Variants in PALS1 observed in about 807,000 individuals in gnomAD.
PALS1 encodes the protein protein associated with LIN7 1, MAGUK p55 family member.
Under a neutral mutation model 78.9 loss-of-function variants are expected in PALS1, and 31 were observed. The observed-to-expected ratio is 0.39, with a 90% CI of 0.30 to 0.53. The LOEUF (loss-of-function observed/expected upper bound fraction) is 0.53. Ranked by LOEUF, PALS1 falls within the 20% of genes least tolerant of loss-of-function variation. The pLI is 0.67. For synonymous variants in PALS1, 276 were observed against 270.9 expected (o/e 1.02, Z -0.18); for missense variants, 704 against 826.5 (o/e 0.85, Z 1.82).
chr14:67,297,354 T>C (rs1027364916), intron 4 of PALS1, among the ~76,000 whole-genome samples: 4 of 152,192 alleles, frequency 2.6e-5, no homozygotes, highest in Admixed American at 2.6e-4. Context: ...TTAAACTGCA[T>C]GTAAGAGGTA....
chr14:67,290,021 C>G (rs2140799572), intron 3 of PALS1, among the ~76,000 whole-genome samples: 1 of 152,222 alleles, frequency 6.6e-6, no homozygotes, highest in East Asian at 1.9e-4. Flanking sequence ...ATCCACCCGC[C>G]TTGGTCTCCC....
At chr14:67,256,696 T>C (rs532896334) in intron 1 of PALS1, among the ~76,000 whole-genome samples, 71 of 152,112 alleles carry the variant, frequency 4.7e-4, no homozygotes, top group African/African-American at 1.5e-3. Context: ...TACAGGCATG[T>C]GCCACCACAC....
intron 13 of PALS1, among the ~76,000 whole-genome samples, chr14:67,322,844 G>C (rs766285475): frequency 6.6e-6 from 1 of 152,128 alleles, no homozygotes; most frequent in African/African-American, 2.4e-5. Flanking sequence ...TTGATAGAGC[G>C]TGTCAGTTTG....
At chr14:67,319,706 C>T (rs1320611557) in intron 11 of PALS1, among the ~76,000 whole-genome samples, 1 of 152,090 alleles carries the variant, frequency 6.6e-6, no homozygotes, top group Non-Finnish European at 1.5e-5. Flanking sequence ...TCCTGGGCTG[C>T]ATGCAGCTCA....
rs763820637 is a variant in PALS1, at chr14:67,279,258, C to G, written c.88C>G (p.Gln30Glu). The change falls in exon 3 of 15, where the codon CAG becomes GAG. Residue 30 changes from glutamine to glutamate, a missense_variant. Transcript: ENST00000261681. ...NVDLASPEEH[Q>E]KHREMAVDCP... ...TGATCTTGCATCACCAGAGGAACAT[C>G]AGAAGCACCGAGAGATGGCTGTTGA... The G allele has an allele frequency of 1.2e-6, 2 of 1,613,866 alleles. No individual in the cohort carries two copies. Among genetic ancestry groups the G allele is most frequent in the Admixed American group, 1.7e-5 (1 of 59,962 alleles).
intron 2 of PALS1, among the ~76,000 whole-genome samples, chr14:67,273,480 C>G (rs1010592946): frequency 6.6e-6 from 1 of 152,130 alleles, no homozygotes; most frequent in Non-Finnish European, 1.5e-5. Flanking sequence ...GCATAGTATT[C>G]CATGGTGTAT....
intron 1 of PALS1, among the ~76,000 whole-genome samples, chr14:67,244,106 A>AT (rs1209001661): frequency 1.3e-5 from 2 of 152,066 alleles, no homozygotes; most frequent in Admixed American, 1.3e-4. Context: ...TCTGTCATGG[A>AT]TTTTTTCCGT....
rs746043649 is a variant in PALS1 at position 67,312,508 on chromosome 14, TG to T, written c.1042-18del. On this transcript the variant is annotated intron_variant, in intron 8 of 14. Coordinates refer to ENST00000261681, the MANE Select transcript of PALS1 (RefSeq NM_022474.4). Reference sequence around the variant, plus strand: ...TTATATTGCCATTTATTGTTGTTTTTGCCCTTTTTATCTTTTAGATCCATGT... The same window carrying T: ...TTATATTGCCATTTATTGTTGTTTTTCCCTTTTTATCTTTTAGATCCATGT... 5 of 1,501,602 alleles carry T rather than the reference TG, an allele frequency of 3.3e-6. No individual in the cohort carries two copies. In the East Asian group the frequency reaches 1.2e-4, roughly 36 times the overall value. The allele number at this position is 1,501,602 out of a possible 1,614,324, so 93.0% of individuals were successfully genotyped here.
At chr14:67,310,431 GGAT>G (rs2085071944) in intron 8 of PALS1, among the ~76,000 whole-genome samples, 1 of 152,154 alleles carries the variant, frequency 6.6e-6, no homozygotes, top group Admixed American at 6.6e-5. Flanking sequence ...CTAGAAATCA[GGAT>G]GATGTTTATC....
At chr14:67,313,786 C>T (rs1320857150) in intron 9 of PALS1, among the ~76,000 whole-genome samples, 1 of 151,826 alleles carries the variant, frequency 6.6e-6, no homozygotes, top group Non-Finnish European at 1.5e-5. Context: ...ATATTTTTTT[C>T]TTCTGTGTCC....
chr14:67,270,965 G>A (rs1427240145), intron 2 of PALS1: 2 of 152,190 alleles, frequency 1.3e-5, no homozygotes, highest in African/African-American at 4.8e-5. Context: ...AGAAAGATGG[G>A]ATAGACACAA....
At chr14:67,283,597 G>A (rs547427795) in intron 3 of PALS1, among the ~76,000 whole-genome samples, 8 of 152,148 alleles carry the variant, frequency 5.3e-5, no homozygotes, top group African/African-American at 1.9e-4. Context: ...TTCCTTCAGG[G>A]AATTTTTTTT....
At chr14:67,252,419 T>C (rs1260230442) in intron 1 of PALS1, among the ~76,000 whole-genome samples, 1 of 152,172 alleles carries the variant, frequency 6.6e-6, no homozygotes, top group Non-Finnish European at 1.5e-5. Context: ...CCTCCCAAAG[T>C]GCTGGTATTA....
chr14:67,263,269 C>A (rs1407346675), intron 1 of PALS1, among the ~76,000 whole-genome samples: 4 of 152,116 alleles, frequency 2.6e-5, no homozygotes, highest in Non-Finnish European at 5.9e-5. Context: ...CTCTTGTCCT[C>A]CTCCCACCCC....
intron 14 of PALS1, among the ~76,000 whole-genome samples, chr14:67,327,488 T>C (rs558979507): frequency 1.1e-4 from 17 of 152,056 alleles, no homozygotes; most frequent in African/African-American, 3.9e-4. Flanking sequence ...TTTTATTTTA[T>C]TTTTTTATTT....
At chr14:67,265,093 T>A (rs1400301967) in intron 1 of PALS1, among the ~76,000 whole-genome samples, 7 of 152,244 alleles carry the variant, frequency 4.6e-5, no homozygotes. Flanking sequence ...TCTGGTATAG[T>A]ATATTCTAAA....
At chr14:67,319,992 A>G (rs925812744) in intron 11 of PALS1, among the ~76,000 whole-genome samples, 1 of 152,234 alleles carries the variant, frequency 6.6e-6, no homozygotes, top group African/African-American at 2.4e-5. Context: ...AAGAATCAGT[A>G]TAATTATATT....
At chr14:67,282,040 T>C (rs992324039) in intron 3 of PALS1, among the ~76,000 whole-genome samples, 2 of 152,178 alleles carry the variant, frequency 1.3e-5, no homozygotes, top group Non-Finnish European at 2.9e-5. Context: ...AAGATGTATT[T>C]TGAGAAATAA....
intron 2 of PALS1, among the ~76,000 whole-genome samples, chr14:67,275,875 C>T (rs2084495022): frequency 6.6e-6 from 1 of 152,054 alleles, no homozygotes; most frequent in South Asian, 2.1e-4. Flanking sequence ...AGGAATTTAT[C>T]CATTTCTTCT....
Sources: gnomAD v4.1 joint callset for allele counts (sites outside exome capture counted in the v4.1 genomes callset) on GRCh38, gnomAD v4.1.1 for gene constraint, MANE v1.5 for transcripts, NCBI Gene and HGNC (gene_info 2026-07-23, HGNC 2026-07-21) for gene names.